The following PRKG1 variants were observed in gnomAD, a reference collection of about 807,000 sequenced individuals.
PRKG1 encodes the protein cGMP-dependent protein kinase 1.
A neutral mutation model predicts 88.1 loss-of-function variants in PRKG1; 35 were observed. The ratio of observed to expected loss-of-function variants is 0.40; its 90% confidence interval spans 0.30 to 0.53. PRKG1 has a LOEUF of 0.53. Among genes scored for constraint, PRKG1 ranks in the 20% least tolerant of loss-of-function variants. The pLI, the probability that PRKG1 is intolerant of heterozygous loss-of-function variation, is 0.59. For synonymous variants in PRKG1, 303 were observed against 292.5 expected (o/e 1.04, Z -0.37); for missense variants, 540 against 839.8 (o/e 0.64, Z 4.41).
chr10:52,063,318 C>T (rs187574257), intron 7 of PRKG1, among the ~76,000 whole-genome samples: 11 of 152,300 alleles, frequency 7.2e-5, no homozygotes, highest in South Asian at 2.1e-4. Flanking sequence ...AGGCTGCGGC[C>T]GAACCAGGCA....
intron 3 of PRKG1, among the ~76,000 whole-genome samples, chr10:51,548,575 T>C (rs1012462281): frequency 2.0e-5 from 3 of 152,146 alleles, no homozygotes; most frequent in African/African-American, 7.2e-5. Context: ...TTTATCCTCT[T>C]TTAGCTCAGT....
rs1273871133 is a variant in PRKG1 at position 52,298,009 on chromosome 10, TG to T, written c.*4113del. 1.3e-5 allele frequency: 2 copies of T among 152,150 alleles called. No individual in the cohort carries two copies. Among genetic ancestry groups the T allele is most frequent in the African/African-American group, 4.8e-5 (2 of 41,428 alleles). The allele number at this position is 152,150 out of a possible 1,614,324, so 9.4% of individuals were successfully genotyped here. A position where few individuals can be genotyped will look rare whatever the true frequency, so the allele number is the denominator to read the frequency against. On this transcript the variant is annotated 3_prime_UTR_variant, in exon 18 of 18. Transcript: ENST00000373980. ...GGGACCTTGGCAATGACTCAGAGGT[TG>T]GGGCTTTCTGAGTAAAGGGACATTT...
chr10:51,804,521 T>G, intron 3 of PRKG1, 64 bp from the exon 4 acceptor site: 1 of 1,101,886 alleles, frequency 9.1e-7, no homozygotes, highest in Non-Finnish European at 1.4e-6. Context: ...TTGCAGGATG[T>G]TGTTCACAGT....
At chr10:52,047,249 C>G (rs959696784) in intron 5 of PRKG1, among the ~76,000 whole-genome samples, 3 of 152,074 alleles carry the variant, frequency 2.0e-5, no homozygotes, top group Non-Finnish European at 4.4e-5. Context: ...AAATTATAGC[C>G]TGAATGAAGT....
At chr10:51,641,121 A>C (rs552946224) in intron 3 of PRKG1, among the ~76,000 whole-genome samples, 5 of 152,178 alleles carry the variant, frequency 3.3e-5, no homozygotes, top group Non-Finnish European at 5.9e-5. Flanking sequence ...TGAATTAAAC[A>C]ATCATAAATG....
intron 1 of PRKG1, among the ~76,000 whole-genome samples, chr10:51,019,732 C>T (rs1005268592): frequency 6.6e-6 from 1 of 151,328 alleles, no homozygotes; most frequent in African/African-American, 2.4e-5. Context: ...AAAATATTTG[C>T]AAATCATATA....
chr10:52,023,881 T>C (rs772644392), intron 5 of PRKG1, among the ~76,000 whole-genome samples: 16 of 152,240 alleles, frequency 1.1e-4, no homozygotes, highest in Admixed American at 6.5e-5. Flanking sequence ...ACTCTAATGA[T>C]AGTTTCTTTT....
chr10:51,594,413 A>G (rs995480540), intron 3 of PRKG1, among the ~76,000 whole-genome samples: 8 of 152,194 alleles, frequency 5.3e-5, no homozygotes, highest in Non-Finnish European at 1.0e-4. Context: ...AAACAGTTGA[A>G]TATACATAAT....
intron 8 of PRKG1, among the ~76,000 whole-genome samples, chr10:52,161,509 G>C (rs1029091036): frequency 6.6e-6 from 1 of 152,042 alleles, no homozygotes; most frequent in East Asian, 1.9e-4. Context: ...CATATAGGAG[G>C]CACTCCATAA....
At chr10:51,264,955 A>T (rs1218473912) in intron 2 of PRKG1, among the ~76,000 whole-genome samples, 1 of 152,182 alleles carries the variant, frequency 6.6e-6, no homozygotes, top group Non-Finnish European at 1.5e-5. Context: ...GAGTAAAATG[A>T]TACAGGACGT....
At chr10:52,230,115 A>G (rs140103392) in intron 9 of PRKG1, among the ~76,000 whole-genome samples, 1 of 152,232 alleles carries the variant, frequency 6.6e-6, no homozygotes, top group African/African-American at 2.4e-5. Flanking sequence ...ATTTCAAATG[A>G]AGAAACTGAG....
intron 4 of PRKG1, among the ~76,000 whole-genome samples, chr10:51,905,578 G>A (rs956488446): frequency 6.6e-6 from 1 of 152,026 alleles, no homozygotes; most frequent in African/African-American, 2.4e-5. Flanking sequence ...TGAGGTTTCA[G>A]GAATTATATG....
In PRKG1 at chr10:51,074,598, C is replaced by G; in HGVS notation, c.8C>G (p.Thr3Ser). Residue 3 changes from threonine (T) to serine (S), a missense_variant, in exon 1 of 18, where the codon ACC becomes AGC. By Grantham distance (58) the Thr-to-Ser change is moderately conservative. This residue lies in a region of PRKG1 where 15 missense variants were observed against 30.1 expected (regional missense o/e 0.50). Coordinates refer to ENST00000373980, the MANE Select transcript of PRKG1 (RefSeq NM_006258.4). Reference protein sequence around the residue: MGTLRDLQYALQE... With the variant: MGSLRDLQYALQE... ...CCGGCAGCCCGGAGGAGCATGGGCA[C>G]CTTGCGGGATTTACAGTACGCGCTC... is the stretch of plus-strand genomic sequence containing the variant. 6.2e-7 allele frequency: 1 copy of G among 1,610,582 alleles called. No homozygotes were observed. Among genetic ancestry groups the G allele is most frequent in the South Asian group, 1.1e-5 (1 of 90,956 alleles).
Position 51,132,894 on chromosome 10 carries a change from A to C in PRKG1, c.312-20270A>C, listed in dbSNP as rs190251528. Among the ~76,000 whole-genome samples, 23 of 152,164 alleles carry C rather than the reference A, an allele frequency of 1.5e-4. No homozygotes were observed. In the East Asian group the frequency reaches 4.4e-3, roughly 29 times the overall value. On this transcript the variant is annotated intron_variant, in intron 1 of 17. Coordinates refer to ENST00000373980, the MANE Select transcript of PRKG1 (RefSeq NM_006258.4). ...ATGCCACATCATATACATATGTCAA[A>C]ACATCAGAGTGTACCCCATAAATGT...
At chr10:51,571,795 T>A (rs1837760447) in intron 3 of PRKG1, among the ~76,000 whole-genome samples, 1 of 151,902 alleles carries the variant, frequency 6.6e-6, no homozygotes, top group Non-Finnish European at 1.5e-5. Flanking sequence ...GATTTTGAAT[T>A]TCTACTAGTA....
chr10:51,333,098 T>C (rs1434974086), intron 2 of PRKG1, among the ~76,000 whole-genome samples: 1 of 152,222 alleles, frequency 6.6e-6, no homozygotes, highest in Non-Finnish European at 1.5e-5. Context: ...AGATATGACA[T>C]TTTTAACTAC....
At chr10:51,387,078 A>C (rs1837270772) in intron 2 of PRKG1, among the ~76,000 whole-genome samples, 1 of 152,042 alleles carries the variant, frequency 6.6e-6, no homozygotes, top group Non-Finnish European at 1.5e-5. Flanking sequence ...AGGTACTTAT[A>C]TAGTTTTAAT....
At chr10:51,015,801 C>T (rs143741756) in intron 1 of PRKG1, among the ~76,000 whole-genome samples, 7 of 152,192 alleles carry the variant, frequency 4.6e-5, no homozygotes, top group East Asian at 3.9e-4. Flanking sequence ...GCAGGAGAAT[C>T]GCTTGAACCT....
At chr10:51,594,559 G>C (rs769562882) in intron 3 of PRKG1, among the ~76,000 whole-genome samples, 47 of 152,184 alleles carry the variant, frequency 3.1e-4, no homozygotes, top group Non-Finnish European at 6.2e-4. Flanking sequence ...ATCAATCTCT[G>C]CATGTGTATC....
Sources: gnomAD v4.1 joint callset for allele counts (sites outside exome capture counted in the v4.1 genomes callset) on GRCh38, gnomAD v4.1.1 for gene constraint, gnomAD v4.1.1 regional missense constraint, MANE v1.5 for transcripts, NCBI Gene and HGNC (gene_info 2026-07-23, HGNC 2026-07-21) for gene names.